Variants in TECTA observed in about 807,000 individuals in gnomAD.
The protein encoded by TECTA is alpha-tectorin.
A neutral mutation model predicts 216.8 loss-of-function variants in TECTA; 128 were observed. The ratio of observed to expected loss-of-function variants is 0.59; its 90% CI spans 0.51 to 0.68. The LOEUF (loss-of-function observed/expected upper bound fraction) is 0.68. TECTA is among the 30% of genes least tolerant of loss of function. The probability of loss-of-function intolerance (pLI) is 0.00; values close to 1 mark genes in which losing one functional copy is unlikely to be tolerated. For missense variants in TECTA, 2,551 were observed against 2,786.2 expected, an observed-to-expected ratio of 0.92 and a Z score of 1.90; for synonymous variants, 1,089 against 1,117.1, an observed-to-expected ratio of 0.97 and a Z score of 0.50.
intron 12 of TECTA, among the ~76,000 whole-genome samples, chr11:121,148,443 G>C (rs1006860690): frequency 1.3e-5 from 2 of 152,106 alleles, no homozygotes; most frequent in Non-Finnish European, 2.9e-5. Flanking sequence ...GGGTCAGGCT[G>C]GGGGAGAGGG....
intron 15 of TECTA, among the ~76,000 whole-genome samples, chr11:121,161,240 A>G (rs775291817): frequency 2.0e-5 from 3 of 152,154 alleles, no homozygotes; most frequent in Non-Finnish European, 2.9e-5. Flanking sequence ...CTTGGGCAAT[A>G]TCTTGTCCAA....
At chr11:121,189,353 T>G (rs550016538) in intron 22 of TECTA, among the ~76,000 whole-genome samples, 186 bp downstream of exon 22, 31 of 150,736 alleles carry the variant, frequency 2.1e-4, no homozygotes, top group Non-Finnish European at 4.3e-4. Flanking sequence ...AGCAATGGCA[T>G]TGAGGTTTTC....
chr11:121,136,922 C>T (rs1946732947), intron 10 of TECTA, among the ~76,000 whole-genome samples: 1 of 152,186 alleles, frequency 6.6e-6, no homozygotes, highest in Non-Finnish European at 1.5e-5. Context: ...TAGGACAGTG[C>T]CTGGCATGTC....
In TECTA at chr11:121,102,567, G is replaced by C. The variant is rs942294694; in HGVS notation, c.-1-98G>C. On this transcript the variant is annotated intron_variant, in intron 1 of 23. Transcript: ENST00000392793. ...TGTTATGTGAATTTGTTCTATGACG[G>C]TTTTGATGGTCTTGGGATTAGCCAC... The C allele has an allele frequency of 8.8e-6, 8 of 906,060 alleles. No homozygotes were observed. The Admixed American group carries it at 1.4e-4, about 16-fold the overall frequency. The allele number at this position is 906,060 out of a possible 1,614,324, so 56.1% of individuals were successfully genotyped here.
intron 14 of TECTA, 94 bp from the exon 15 acceptor site, chr11:121,160,041 G>A: frequency 6.7e-7 from 1 of 1,497,010 alleles, no homozygotes; most frequent in Non-Finnish European, 9.3e-7. Context: ...CACAGGGCCT[G>A]CGACACCCAA....
At chr11:121,121,589 A>AAAAAAGGT (rs1191936317) in intron 7 of TECTA, among the ~76,000 whole-genome samples, 43 of 152,258 alleles carry the variant, frequency 2.8e-4, no homozygotes, top group African/African-American at 1.0e-3. Flanking sequence ...ATGCCAGAAA[A>AAAAAAGGT]AAAAAGGTAT....
Position 121,187,718 on chromosome 11 carries a change from T to C in TECTA, c.6000-114T>C, listed in dbSNP as rs1055500169. On this transcript the variant is annotated intron_variant, in intron 20 of 23. Transcript: ENST00000392793. Reference sequence around the variant, plus strand: ...GGGGTCACTTTCAAATGTAAAGGCATTTCTGCCATTTATGGTGGTTTTATG... The same window carrying C: ...GGGGTCACTTTCAAATGTAAAGGCACTTCTGCCATTTATGGTGGTTTTATG... The C allele has an allele frequency of 2.7e-5, 32 of 1,182,270 alleles. No homozygotes were observed. In the African/African-American group the frequency reaches 4.8e-4, roughly 18 times the overall value. The allele number at this position is 1,182,270 out of a possible 1,614,324, so 73.2% of individuals were successfully genotyped here. A position where few individuals can be genotyped will look rare whatever the true frequency, so the allele number is the denominator to read the frequency against.
At chr11:121,109,861 C>G (rs953153240) in intron 4 of TECTA, 1 of 276,188 alleles carries the variant, frequency 3.6e-6, no homozygotes, top group Non-Finnish European at 7.0e-6. Context: ...ACCCAAAGGT[C>G]CTTTTCTCTT....
intron 11 of TECTA, among the ~76,000 whole-genome samples, chr11:121,138,622 C>T (rs570033026): frequency 1.3e-5 from 2 of 152,276 alleles, no homozygotes; most frequent in East Asian, 3.9e-4. Flanking sequence ...GGCTTCAACT[C>T]CCTCTTTCTA....
chr11:121,107,683 A>G (rs773650365), intron 3 of TECTA, among the ~76,000 whole-genome samples: 45 of 152,250 alleles, frequency 3.0e-4, no homozygotes, highest in Non-Finnish European at 6.2e-4. Context: ...ACAGGGTTAA[A>G]TCAGTTTATC....
At position 121,187,995 on chromosome 11, in the gene TECTA, G is replaced by C. The variant is rs1045921265; in HGVS notation, c.6162+1G>C. The C allele has an allele frequency of 6.2e-7, 1 of 1,614,106 alleles. No individual in the cohort carries two copies. Among genetic ancestry groups the C allele is most frequent in the East Asian group, 2.2e-5 (1 of 44,886 alleles). ...CTCAGAAAAGTACTCCTGTAAAATC[G>C]TAAGTGAGAGTGTGAAAACAAAGTG... is the stretch of plus-strand genomic sequence containing the variant. On this transcript the variant is annotated splice_donor_variant, in intron 21 of 23. Transcript: ENST00000392793. LOFTEE classifies it high-confidence loss of function.
At chr11:121,162,015 G>C (rs948917614) in intron 15 of TECTA, 60 bp from the exon 16 acceptor site, 2 of 1,608,338 alleles carry the variant, frequency 1.2e-6, no homozygotes, top group Non-Finnish European at 1.7e-6. Flanking sequence ...AGGTACAGAT[G>C]CAATTTACCT....
At chr11:121,164,340 G>A (rs992976683) in intron 16 of TECTA, among the ~76,000 whole-genome samples, 4 of 152,126 alleles carry the variant, frequency 2.6e-5, no homozygotes, top group Admixed American at 6.5e-5. Flanking sequence ...AAAAACTCTT[G>A]AAGCCAACTT....
At chr11:121,181,450 A>AATT (rs60183386) in intron 20 of TECTA, among the ~76,000 whole-genome samples, 6,603 of 148,246 alleles carry the variant, frequency 0.045, 484 homozygotes, top group African/African-American at 0.15. Flanking sequence ...GTTGCTGGAG[A>AATT]ATTATTATTA....
chr11:121,130,381 C>T (rs1946662283), intron 10 of TECTA, among the ~76,000 whole-genome samples, 170 bp downstream of exon 10: 1 of 152,188 alleles, frequency 6.6e-6, no homozygotes, highest in South Asian at 2.1e-4. Flanking sequence ...TCACCCCAAA[C>T]CGGAGAGCCT....
chr11:121,108,607 C>A (rs3016242), intron 3 of TECTA, among the ~76,000 whole-genome samples: 53,916 of 147,780 alleles, frequency 0.36, 9,957 homozygotes, highest in Middle Eastern at 0.42. Flanking sequence ...CCACATCCCC[C>A]GTATACACAC....
In TECTA at chr11:121,105,691, G is replaced by A. The variant is rs1405701780; in HGVS notation, c.65-140G>A. On this transcript the variant is annotated intron_variant, in intron 2 of 23. Coordinates refer to ENST00000392793, the MANE Select transcript of TECTA (RefSeq NM_005422.4). The surrounding 1 kb of genome is among the most constrained non-coding windows in gnomAD (Gnocchi z 5.3). ...CTGCGCTGTGTATGGCCTAGGTTTA[G>A]GATGAATGACAGGGCAGTATGACTT... is the stretch of plus-strand genomic sequence containing the variant. 9.2e-7 allele frequency: 1 copy of A among 1,083,342 alleles called. No individual in the cohort carries two copies. Among genetic ancestry groups the A allele is most frequent in the Non-Finnish European group, 1.4e-6 (1 of 732,240 alleles). 67.1% of individuals were successfully genotyped at this position (1,083,342 alleles called of 1,614,324 possible). A position where few individuals can be genotyped will look rare whatever the true frequency, so the allele number is the denominator to read the frequency against.
intron 11 of TECTA, among the ~76,000 whole-genome samples, chr11:121,138,565 C>T (rs1199013688): frequency 2.0e-5 from 3 of 152,184 alleles, no homozygotes; most frequent in Non-Finnish European, 2.9e-5. Flanking sequence ...GAGTCTCACA[C>T]GCATTTGGAG....
chr11:121,113,578 C>G lies in TECTA; in HGVS notation c.650C>G (p.Thr217Ser). The part of the protein sequence containing the change: ...AQAGFNGGNL[T>S]NFFSLPGSRT... The stretch of plus-strand genomic sequence containing the variant: ...GCAGGATTTAATGGTGGAAACCTCA[C>G]CAATTTCTTCAGCCTCCCGGGGTCA... The change falls in exon 6 of 24, where the codon ACC (threonine) becomes AGC (serine). Residue 217 changes from threonine to serine, a missense_variant. Thr to Ser is a moderately conservative substitution (Grantham distance 58). Around this residue, in one of 3 missense-constraint regions of TECTA, gnomAD observed 2,375 missense variants for 2,563.9 expected, o/e 0.93. Coordinates refer to ENST00000392793, the MANE Select transcript of TECTA (RefSeq NM_005422.4). This position sits in a 1 kb window ranked among gnomAD's most constrained non-coding sequence, Gnocchi z 4.2. The G allele has an allele frequency of 6.2e-7, 1 of 1,613,992 alleles. No homozygotes were observed. The highest frequency in any genetic ancestry group is 2.2e-5 in the East Asian group (1 of 44,874).
Sources: allele counts gnomAD v4.1 joint callset (sites outside exome capture counted in the v4.1 genomes callset), GRCh38; gene constraint gnomAD v4.1.1; regional missense constraint gnomAD v4.1.1; non-coding constraint Gnocchi (gnomAD v3.1); transcripts MANE v1.5; gene names NCBI Gene and HGNC (gene_info 2026-07-23, HGNC 2026-07-21).